LSAMP: variants seen among roughly 807,000 people sequenced by gnomAD.
LSAMP encodes the protein limbic system associated membrane protein, also known as limbic system-associated membrane protein.
LSAMP carries 7 observed loss-of-function variants against 38.6 expected under a neutral mutation model. The observed-to-expected ratio is 0.18, with a 90% CI of 0.10 to 0.34. The LOEUF (loss-of-function observed/expected upper bound fraction) is 0.34. LSAMP is among the 10% of genes least tolerant of loss of function. LSAMP has a pLI of 1.00. For missense variants in LSAMP, 313 were observed against 420.0 expected (o/e 0.75, Z 2.23); for synonymous variants, 154 against 166.8 (o/e 0.92, Z 0.59).
At chr3:115,985,968 G>A (rs984201308) in intron 3 of LSAMP, among the ~76,000 whole-genome samples, 1 of 152,106 alleles carries the variant, frequency 6.6e-6, no homozygotes, top group Non-Finnish European at 1.5e-5. Flanking sequence ...CTTTTCGATC[G>A]ATTTGTTACC....
intron 1 of LSAMP, among the ~76,000 whole-genome samples, chr3:116,115,149 T>C (rs1708713482): frequency 6.6e-6 from 1 of 152,262 alleles, no homozygotes; most frequent in African/African-American, 2.4e-5. Context: ...GAATTTATTT[T>C]TTCTTGAAAT....
intron 3 of LSAMP, among the ~76,000 whole-genome samples, chr3:115,869,661 C>A (rs776967940): frequency 1.5e-4 from 23 of 152,054 alleles, no homozygotes; most frequent in Admixed American, 1.1e-3. Flanking sequence ...ATATTAATTT[C>A]TTTTAAATCT....
chr3:116,060,198 G>GTTTTTTTTTTTTTTTT (rs55818433), intron 2 of LSAMP, among the ~76,000 whole-genome samples: 5 of 141,994 alleles, frequency 3.5e-5, no homozygotes, highest in African/African-American at 1.3e-4. Context: ...AAGCAACATA[G>GTTTTTTTTTTTTTTTT]TTTTTTTTTT....
intron 3 of LSAMP, among the ~76,000 whole-genome samples, chr3:115,861,872 C>G (rs965288580): frequency 1.3e-5 from 2 of 152,194 alleles, no homozygotes; most frequent in Non-Finnish European, 2.9e-5. Context: ...ATTCAAATCA[C>G]TGGAGCAGGG....
intron 2 of LSAMP, among the ~76,000 whole-genome samples, chr3:116,040,049 G>C (rs1386140205): frequency 6.6e-6 from 1 of 152,146 alleles, no homozygotes; most frequent in Non-Finnish European, 1.5e-5. Flanking sequence ...GAATTAAACA[G>C]AAGGCAATGG....
intron 1 of LSAMP, among the ~76,000 whole-genome samples, chr3:116,127,125 ATC>A (rs1378260019): frequency 1.3e-5 from 2 of 152,216 alleles, no homozygotes; most frequent in Non-Finnish European, 2.9e-5. Context: ...TAGAGTAGGA[ATC>A]TCTAGGATTT....
At chr3:115,939,464 G>A (rs1315945289) in intron 3 of LSAMP, among the ~76,000 whole-genome samples, 1 of 152,056 alleles carries the variant, frequency 6.6e-6, no homozygotes, top group Non-Finnish European at 1.5e-5. Context: ...TGCTTTTGAT[G>A]TTATACTCAA....
intron 2 of LSAMP, among the ~76,000 whole-genome samples, chr3:116,067,467 A>T (rs936149634): frequency 2.6e-5 from 4 of 152,194 alleles, no homozygotes; most frequent in Non-Finnish European, 5.9e-5. Flanking sequence ...ACAGCAGCCG[A>T]GGTATATAAA....
chr3:116,004,222 G>A (rs756139079), intron 3 of LSAMP, among the ~76,000 whole-genome samples: 14 of 151,888 alleles, frequency 9.2e-5, no homozygotes, highest in Admixed American at 8.5e-4. Context: ...TTTCTAGTAC[G>A]GGAACAGAAT....
intron 1 of LSAMP, among the ~76,000 whole-genome samples, chr3:116,109,873 G>T (rs929374624): frequency 1.6e-4 from 25 of 151,884 alleles, no homozygotes; most frequent in Non-Finnish European, 2.6e-4. Flanking sequence ...CGGGAAGGGG[G>T]GTCGGGGCAT....
In LSAMP at chr3:115,802,890, T is replaced by C. The variant is rs1262220804; in HGVS notation, c.*7427A>G. On this transcript the variant is annotated 3_prime_UTR_variant, in exon 7 of 7. Transcript: ENST00000490035. The stretch of plus-strand genomic sequence containing the variant: ...TCTCTCCCCCTGAATTTCTTCCCTT[T>C]AACCTCCCTACTCCAAGTAAATACT... The C allele has an allele frequency of 1.3e-5, 2 of 152,146 alleles. No homozygotes were observed. The highest frequency in any genetic ancestry group is 2.9e-5 in the Non-Finnish European group (2 of 68,040). The allele number at this position is 152,146 out of a possible 1,614,324, so 9.4% of individuals were successfully genotyped here. A position where few individuals can be genotyped will look rare whatever the true frequency, so the allele number is the denominator to read the frequency against.
At chr3:116,162,962 C>T (rs1709934654) in intron 1 of LSAMP, among the ~76,000 whole-genome samples, 1 of 152,042 alleles carries the variant, frequency 6.6e-6, no homozygotes, top group Admixed American at 6.6e-5. Flanking sequence ...CATGTTCCCC[C>T]ATCCCTGGAC....
At chr3:115,833,756 C>T (rs1934694675) in intron 6 of LSAMP, among the ~76,000 whole-genome samples, 1 of 139,048 alleles carries the variant, frequency 7.2e-6, no homozygotes, top group Middle Eastern at 3.6e-3. Flanking sequence ...GCCTAGTTTC[C>T]GTTTTTTTCT....
In LSAMP at chr3:115,802,395, C is replaced by T. The variant is rs1349868073; in HGVS notation, c.*7922G>A. 6.6e-6 allele frequency: 1 copy of T among 152,042 alleles called. No individual in the cohort carries two copies. The highest frequency in any genetic ancestry group is 1.5e-5 in the Non-Finnish European group (1 of 68,012). The allele number at this position is 152,042 out of a possible 1,614,324, so 9.4% of individuals were successfully genotyped here. On this transcript the variant is annotated 3_prime_UTR_variant, in exon 7 of 7. Coordinates refer to ENST00000490035, the MANE Select transcript of LSAMP (RefSeq NM_002338.5). ...TCAATGAAGACACATCTCCTTTTCA[C>T]GTTTATTTCATTTTGTTTTAAGATC...
At chr3:115,993,638 C>T (rs572172361) in intron 3 of LSAMP, among the ~76,000 whole-genome samples, 6 of 151,992 alleles carry the variant, frequency 3.9e-5, no homozygotes, top group African/African-American at 9.7e-5. Context: ...TTATTATAGA[C>T]TTGAACATAC....
At chr3:115,830,905 C>T (rs1934587540) in intron 6 of LSAMP, among the ~76,000 whole-genome samples, 2 of 152,190 alleles carry the variant, frequency 1.3e-5, no homozygotes, top group Admixed American at 6.6e-5. Context: ...GTTCTGATGC[C>T]AGGCCTGCCT....
At chr3:115,950,841 A>G (rs1938264675) in intron 3 of LSAMP, among the ~76,000 whole-genome samples, 1 of 151,248 alleles carries the variant, frequency 6.6e-6, no homozygotes, top group African/African-American at 2.4e-5. Flanking sequence ...GAAGCATTAC[A>G]TTGTCCAAAT....
intron 3 of LSAMP, among the ~76,000 whole-genome samples, chr3:115,968,417 C>A (rs993492597): frequency 3.1e-4 from 47 of 152,062 alleles, no homozygotes; most frequent in African/African-American, 1.1e-3. Context: ...GTGATAAATC[C>A]TGCTAGGACT....
In LSAMP at chr3:115,873,812, T is replaced by A. The variant is rs115552611; in HGVS notation, c.515-21195A>T. Among the ~76,000 whole-genome samples, 432 of 152,254 alleles carry A rather than the reference T, an allele frequency of 2.8e-3. 3 individuals are homozygous for A. Among genetic ancestry groups the A allele is most frequent in the African/African-American group, 9.0e-3 (374 of 41,568 alleles). ...ACCAGGTATCACATCTGTAAGTAAA[T>A]GCCCACAGTTATATTTAATAGCTTT... On this transcript the variant is annotated intron_variant, in intron 3 of 6. Coordinates refer to ENST00000490035, the MANE Select transcript of LSAMP (RefSeq NM_002338.5).
Sources: gnomAD v4.1 joint callset for allele counts (sites outside exome capture counted in the v4.1 genomes callset) on GRCh38, gnomAD v4.1.1 for gene constraint, MANE v1.5 for transcripts, NCBI Gene and HGNC (gene_info 2026-07-23, HGNC 2026-07-21) for gene names.